The following PAMR1 variants were observed in gnomAD, a reference collection of about 807,000 sequenced individuals.
PAMR1 encodes inactive serine protease PAMR1.
In PAMR1, 88 loss-of-function variants were observed where a neutral mutation model predicts 81.8. The observed-to-expected ratio is 1.08, with a 90% CI of 0.91 to 1.28. The LOEUF (loss-of-function observed/expected upper bound fraction) is 1.28, where lower values mean the gene tolerates loss of function less well. PAMR1 is among the 50% of genes most tolerant of loss of function. The pLI is 0.00. For missense variants in PAMR1, 935 were observed against 919.7 expected (o/e 1.02, Z -0.21); for synonymous variants, 336 against 345.3 (o/e 0.97, Z 0.30).
rs1398661668 is a variant in PAMR1 at position 35,451,804 on chromosome 11, A to G, written c.821-10111T>C. 2.9e-5 allele frequency: 18 copies of G among 611,764 alleles called. No individual in the cohort carries two copies. The South Asian group carries it at 3.2e-4, about 11-fold the overall frequency. The allele number at this position is 611,764 out of a possible 1,614,324, so 37.9% of individuals were successfully genotyped here. On this transcript the variant is annotated intron_variant, in intron 6 of 10. Transcript: ENST00000619888. The stretch of plus-strand genomic sequence containing the variant: ...TCATGAACGAGATTAGTGACTTTGT[A>G]AAAAAGAACCCAGAGAGCTCTCCCA...
At chr11:35,492,247 C>A in intron 2 of PAMR1, 74 bp from the exon 3 acceptor site, 1 of 1,523,948 alleles carries the variant, frequency 6.6e-7, no homozygotes, top group Non-Finnish European at 9.0e-7. Flanking sequence ...GGGAGCACAA[C>A]TGCACCTTCT....
At chr11:35,445,276 C>A (rs954254742) in intron 6 of PAMR1, among the ~76,000 whole-genome samples, 1 of 152,100 alleles carries the variant, frequency 6.6e-6, no homozygotes, top group Admixed American at 6.6e-5. Flanking sequence ...TAGGATCATG[C>A]CATTCACAAA....
rs559149381 is a variant in PAMR1, at chr11:35,434,777, G to A, written c.1361C>T (p.Ala454Val). 21 of 1,613,864 alleles carry A rather than the reference G, an allele frequency of 1.3e-5. No homozygotes were observed. The African/African-American group carries it at 2.1e-4, about 16-fold the overall frequency. ...PICGKIENIT[A>V]PKTQGLRWPW... The stretch of plus-strand genomic sequence containing the variant: ...CCAGCGCAACCCTTGGGTCTTTGGA[G>A]CAGTGATGTTCTCAATTTTCCCGCA... Residue 454 changes from alanine (A) to valine (V), a missense_variant, in exon 10 of 11, where the codon GCT (alanine) becomes GTT (valine). Physicochemically the swap from Ala to Val is moderately conservative, Grantham distance 64. Coordinates refer to ENST00000619888, the MANE Select transcript of PAMR1 (RefSeq NM_001001991.3).
rs112798316 is a variant in PAMR1 at position 35,442,763 on chromosome 11, C to T, written c.821-1070G>A. On this transcript the variant is annotated intron_variant, in intron 6 of 10. Coordinates refer to ENST00000619888, the MANE Select transcript of PAMR1 (RefSeq NM_001001991.3). Reference sequence around the variant, plus strand: ...AGTAGCTGGGACCACAGGCACACACCAGCTAATTTTTGTATTTTTAGTAGA... The same window carrying T: ...AGTAGCTGGGACCACAGGCACACACTAGCTAATTTTTGTATTTTTAGTAGA... Among the ~76,000 whole-genome samples the T allele has an allele frequency of 1.8e-3, 278 of 152,114 alleles. 1 individual carries two copies. Among genetic ancestry groups the T allele is most frequent in the African/African-American group, 6.4e-3 (265 of 41,498 alleles).
chr11:35,511,420 C>T (rs1286971008), intron 1 of PAMR1, among the ~76,000 whole-genome samples: 18 of 152,338 alleles, frequency 1.2e-4, no homozygotes, highest in Admixed American at 9.1e-4. Context: ...TGTACAAACA[C>T]AAGGGTCAGG....
chr11:35,519,062 A>G (rs1354636157), intron 1 of PAMR1, among the ~76,000 whole-genome samples: 4 of 152,240 alleles, frequency 2.6e-5, no homozygotes, highest in African/African-American at 9.6e-5. Flanking sequence ...AAAGATGCCC[A>G]GACTGCAGAA....
chr11:35,506,386 CA>C (rs1414962958), intron 1 of PAMR1, among the ~76,000 whole-genome samples: 4 of 148,062 alleles, frequency 2.7e-5, no homozygotes, highest in Non-Finnish European at 6.0e-5. Context: ...TTTATACCTT[CA>C]AAAAAAATTT....
At chr11:35,526,793 G>C (rs1851403111), upstream of PAMR1, among the ~76,000 whole-genome samples, 1 of 152,168 alleles carries the variant, frequency 6.6e-6, no homozygotes, top group Non-Finnish European at 1.5e-5. Context: ...ACCTCATCTT[G>C]AATTGTGGTT....
chr11:35,502,213 T>G (rs1415405029), intron 1 of PAMR1, among the ~76,000 whole-genome samples: 1 of 152,180 alleles, frequency 6.6e-6, no homozygotes, highest in Non-Finnish European at 1.5e-5. Flanking sequence ...TTTTGAGAAA[T>G]GTCTATTCAG....
At chr11:35,435,821 C>T (rs1423205627) in intron 9 of PAMR1, 82 bp downstream of exon 9, 7 of 1,045,894 alleles carry the variant, frequency 6.7e-6, no homozygotes, top group Non-Finnish European at 1.0e-5. Context: ...AGATGCTCTC[C>T]CAAAAAGTAG....
At chr11:35,434,138 G>T (rs1855979948) in intron 10 of PAMR1, among the ~76,000 whole-genome samples, 1 of 152,094 alleles carries the variant, frequency 6.6e-6, no homozygotes, top group South Asian at 2.1e-4. Context: ...AACGGTTTCA[G>T]GCAGAGCCAG....
chr11:35,434,843 C>T (rs1258199323), intron 9 of PAMR1, 39 bp from the exon 10 acceptor site: 1 of 1,587,638 alleles, frequency 6.3e-7, no homozygotes, highest in Non-Finnish European at 8.6e-7. Context: ...TAAACTCAGA[C>T]TTTGCCATCC....
chr11:35,443,352 C>T (rs1856218351), intron 6 of PAMR1, among the ~76,000 whole-genome samples: 1 of 152,170 alleles, frequency 6.6e-6, no homozygotes. Context: ...TCCTGATGCT[C>T]TCCCTCCCCT....
chr11:35,465,079 C>T (rs905955385), intron 6 of PAMR1, among the ~76,000 whole-genome samples: 2 of 152,142 alleles, frequency 1.3e-5, no homozygotes, highest in African/African-American at 4.8e-5. Flanking sequence ...AGATTGTGAA[C>T]TAAGTGGGAA....
chr11:35,443,244 G>A (rs1193532252), intron 6 of PAMR1, among the ~76,000 whole-genome samples: 8 of 151,262 alleles, frequency 5.3e-5, no homozygotes, highest in Admixed American at 5.3e-4. Context: ...GGTGCAGGAT[G>A]TTCAGGTTTC....
chr11:35,464,417 C>T (rs1364032838), intron 6 of PAMR1, among the ~76,000 whole-genome samples: 2 of 152,206 alleles, frequency 1.3e-5, no homozygotes, highest in African/African-American at 4.8e-5. Context: ...CAAGGTTTTT[C>T]AACCTTGGCA....
chr11:35,446,383 G>C (rs1856293217), intron 6 of PAMR1, among the ~76,000 whole-genome samples: 2 of 152,038 alleles, frequency 1.3e-5, no homozygotes, highest in Admixed American at 1.3e-4. Context: ...TGCTAGCTTT[G>C]GAGTTTGTTT....
At chr11:35,497,216 C>G (rs1039170846) in intron 1 of PAMR1, among the ~76,000 whole-genome samples, 4 of 151,918 alleles carry the variant, frequency 2.6e-5, no homozygotes, top group Non-Finnish European at 4.4e-5. Context: ...AAATGAGGTA[C>G]GTGCATACAA....
rs1013831249 is a variant in PAMR1, at chr11:35,513,080, G to A, written c.73+12433C>T. On this transcript the variant is annotated intron_variant, in intron 1 of 10. Coordinates refer to ENST00000619888, the MANE Select transcript of PAMR1 (RefSeq NM_001001991.3). ...TTTAAGATCAACAATCATGCTCTGA[G>A]TCTTATCAGTAGTCTATTCAGAACA... Among the ~76,000 whole-genome samples the A allele has an allele frequency of 3.9e-5, 6 of 152,216 alleles. 1 individual carries two copies. The highest frequency in any genetic ancestry group is 1.2e-4 in the African/African-American group (5 of 41,450).
Sources: gnomAD v4.1 joint callset for allele counts (sites outside exome capture counted in the v4.1 genomes callset) on GRCh38, gnomAD v4.1.1 for gene constraint, MANE v1.5 for transcripts, NCBI Gene and HGNC (gene_info 2026-07-23, HGNC 2026-07-21) for gene names.